Variants in ERO1B observed in about 807,000 individuals in gnomAD.
ERO1B encodes ERO1-like protein beta.
Under a neutral mutation model 75.3 loss-of-function variants are expected in ERO1B, and 49 were observed. That is an observed-to-expected ratio of 0.65 (90% CI 0.52 to 0.83). ERO1B has a LOEUF of 0.83. Among genes scored for constraint, ERO1B ranks in the 40% least tolerant of loss-of-function variants. The pLI is 0.00. For synonymous variants in ERO1B, 191 were observed against 192.9 expected, an observed-to-expected ratio of 0.99 and a Z score of 0.08; for missense variants, 512 against 560.1, an observed-to-expected ratio of 0.91 and a Z score of 0.87.
chr1:236,222,538 G>C (rs1172010245), intron 13 of ERO1B, among the ~76,000 whole-genome samples: 1 of 151,938 alleles, frequency 6.6e-6, no homozygotes, highest in African/African-American at 2.4e-5. Flanking sequence ...TTTCCACTGA[G>C]GAGCTACTTT....
chr1:236,261,393 G>A (rs1205396962), intron 2 of ERO1B, among the ~76,000 whole-genome samples: 1 of 152,152 alleles, frequency 6.6e-6, no homozygotes, highest in Non-Finnish European at 1.5e-5. Context: ...ATCTCATAGA[G>A]AGAAAACTTT....
At chr1:236,245,349 T>TAC (rs1257267104) in intron 5 of ERO1B, among the ~76,000 whole-genome samples, 1 of 60,862 alleles carries the variant, frequency 1.6e-5, no homozygotes, top group African/African-American at 4.7e-5. Context: ...TACGTATATA[T>TAC]ATACACACGT....
Position 236,269,946 on chromosome 1 carries a change from T to C in ERO1B, c.151A>G (p.Asn51Asp), listed in dbSNP as rs760697322. Residue 51 changes from asparagine to aspartate, a missense_variant, in exon 2 of 16, where the codon AAC becomes GAC. Asn to Asp is a conservative substitution (Grantham distance 23). Coordinates refer to ENST00000354619, the MANE Select transcript of ERO1B (RefSeq NM_019891.4). Reference sequence around the variant, plus strand: ...GGGAAGATTTTGTAGGTATTGAAGTTATCGATGCTGTCAATATCACACAAG... The same window carrying C: ...GGGAAGATTTTGTAGGTATTGAAGTCATCGATGCTGTCAATATCACACAAG... ...DCLCDIDSID[N>D]FNTYKIFPKI... 2 of 1,604,384 alleles carry C rather than the reference T, an allele frequency of 1.2e-6. No individual in the cohort carries two copies. Among genetic ancestry groups the C allele is most frequent in the Non-Finnish European group, 1.7e-6 (2 of 1,171,406 alleles).
At chr1:236,235,877 C>T in intron 7 of ERO1B, 42 bp from the exon 8 acceptor site, 1 of 1,537,328 alleles carries the variant, frequency 6.5e-7, no homozygotes, top group Non-Finnish European at 8.9e-7. Flanking sequence ...AATGTTTTAA[C>T]TTTTATAGTG....
intron 15 of ERO1B, 23 bp downstream of exon 15, chr1:236,220,809 C>A: frequency 2.0e-6 from 3 of 1,526,082 alleles, no homozygotes; most frequent in South Asian, 1.4e-5. Context: ...AATCAAAAAT[C>A]TTCAACATAT....
intron 1 of ERO1B, among the ~76,000 whole-genome samples, chr1:236,270,698 A>G (rs1665569434): frequency 6.6e-6 from 1 of 152,210 alleles, no homozygotes; most frequent in South Asian, 2.1e-4. Context: ...ATTGACTGAT[A>G]TGCACAACCT....
chr1:236,246,256 C>T (rs568376506), intron 5 of ERO1B, among the ~76,000 whole-genome samples: 3 of 152,208 alleles, frequency 2.0e-5, no homozygotes, highest in East Asian at 3.9e-4. Context: ...CAGTCTCAAA[C>T]TCATGAACTC....
rs1030337047 is a variant in ERO1B at position 236,275,864 on chromosome 1, G to A, written c.102+5818C>T. On this transcript the variant is annotated intron_variant, in intron 1 of 15. Coordinates refer to ENST00000354619, the MANE Select transcript of ERO1B (RefSeq NM_019891.4). ...TATATTTTTGGATGACACCATGTGA[G>A]ACAGGAAGCCAATGGGGAGTTTTAA... 2.6e-5 allele frequency among the ~76,000 whole-genome samples: 4 copies of A among 152,214 alleles called. No individual in the cohort carries two copies. The East Asian group carries it at 7.7e-4, about 29-fold the overall frequency.
chr1:236,225,001 G>T, intron 13 of ERO1B, 69 bp downstream of exon 13: 2 of 1,363,942 alleles, frequency 1.5e-6, no homozygotes, highest in Non-Finnish European at 2.1e-6. Flanking sequence ...AAAACAGTTT[G>T]GATGCACAGC....
chr1:236,259,609 G>A (rs111484932), intron 2 of ERO1B, among the ~76,000 whole-genome samples: 139 of 152,208 alleles, frequency 9.1e-4, no homozygotes, highest in Non-Finnish European at 1.6e-3. Context: ...AGACAAAATA[G>A]ACTTTAAGTC....
At chr1:236,265,140 A>T (rs1373504152) in intron 2 of ERO1B, among the ~76,000 whole-genome samples, 1 of 151,434 alleles carries the variant, frequency 6.6e-6, no homozygotes, top group African/African-American at 2.4e-5. Context: ...GTTAATGCAG[A>T]TAGTGGGTAT....
chr1:236,259,898 T>C (rs529405221), intron 2 of ERO1B, among the ~76,000 whole-genome samples: 2 of 152,276 alleles, frequency 1.3e-5, no homozygotes, highest in Admixed American at 6.5e-5. Context: ...CAGATATTTA[T>C]AGAATATTCC....
chr1:236,251,902 G>T (rs1665038865), intron 4 of ERO1B, 148 bp downstream of exon 4: 6 of 599,870 alleles, frequency 1.0e-5, no homozygotes, highest in South Asian at 9.6e-5. Flanking sequence ...TCTGCTTGAC[G>T]CAAGAGTTAG....
At chr1:236,247,816 A>G (rs1420073912) in intron 5 of ERO1B, among the ~76,000 whole-genome samples, 2 of 152,138 alleles carry the variant, frequency 1.3e-5, no homozygotes, top group Non-Finnish European at 1.5e-5. Context: ...TGATCCTGCC[A>G]TGGGGGTTTT....
rs1664538339 is a variant in ERO1B, at chr1:236,236,167, T to A, written c.626+111A>T. Reference sequence around the variant, plus strand: ...GTCTTGAACTCCTGACCTCAGATGATCCACCCACCTTGGCCTCCCAAAGTG... The same window carrying A: ...GTCTTGAACTCCTGACCTCAGATGAACCACCCACCTTGGCCTCCCAAAGTG... On this transcript the variant is annotated intron_variant, in intron 7 of 15. Transcript: ENST00000354619. The A allele has an allele frequency of 1.2e-5, 16 of 1,343,000 alleles. No homozygotes were observed. The South Asian group carries it at 2.0e-4, about 17-fold the overall frequency. The allele number at this position is 1,343,000 out of a possible 1,614,324, so 83.2% of individuals were successfully genotyped here.
chr1:236,262,440 T>A (rs979605528), intron 2 of ERO1B, among the ~76,000 whole-genome samples: 1 of 152,198 alleles, frequency 6.6e-6, no homozygotes, highest in Admixed American at 6.5e-5. Flanking sequence ...TCTCACTCTG[T>A]CGCCCAGGCT....
intron 4 of ERO1B, among the ~76,000 whole-genome samples, chr1:236,250,572 CATATATAT>C (rs1171832762): frequency 0.013 from 1,124 of 86,210 alleles, 10 homozygotes; most frequent in African/African-American, 0.022. Flanking sequence ...TAAATTTGAC[CATATATAT>C]ATATATATAT....
intron 6 of ERO1B, among the ~76,000 whole-genome samples, chr1:236,238,819 CT>C: frequency 6.6e-6 from 1 of 152,146 alleles, no homozygotes; most frequent in Admixed American, 6.5e-5. Flanking sequence ...GTACCAACCT[CT>C]TTTCCCAAGA....
intron 1 of ERO1B, among the ~76,000 whole-genome samples, chr1:236,280,184 G>GA (rs371098885): frequency 6.6e-6 from 1 of 152,062 alleles, no homozygotes; most frequent in Non-Finnish European, 1.5e-5. Flanking sequence ...AGTGGTAAAT[G>GA]AAAAAAATTT....
Sources: allele counts gnomAD v4.1 joint callset (sites outside exome capture counted in the v4.1 genomes callset), GRCh38; gene constraint gnomAD v4.1.1; transcripts MANE v1.5; gene names NCBI Gene and HGNC (gene_info 2026-07-23, HGNC 2026-07-21).